ATP10B: variants seen among roughly 807,000 people sequenced by gnomAD.
ATP10B encodes the protein ATPase phospholipid transporting 10B (putative).
In ATP10B, 122 loss-of-function variants were observed where a neutral mutation model predicts 141.2. That is an observed-to-expected ratio of 0.86 (90% CI 0.75 to 1.00). The LOEUF (loss-of-function observed/expected upper bound fraction) is 1.00, where lower values mean the gene tolerates loss of function less well. Among genes scored for constraint, ATP10B ranks in the 50% least tolerant of loss-of-function variants. The pLI is 0.00. For missense variants in ATP10B, 1,876 were observed against 1,825.3 expected (o/e 1.03, Z -0.51); for synonymous variants, 685 against 692.0 (o/e 0.99, Z 0.16).
intron 2 of ATP10B, among the ~76,000 whole-genome samples, chr5:160,763,100 G>A (rs1422084208): frequency 6.6e-6 from 1 of 151,940 alleles, no homozygotes; most frequent in African/African-American, 2.4e-5. Flanking sequence ...GAGATAGACG[G>A]CAACATAATA....
In ATP10B at chr5:160,634,483, G is replaced by A. The variant is rs1413371614; in HGVS notation, c.1252C>T (p.Leu418Phe). Residue 418 changes from leucine to phenylalanine, a missense_variant, in exon 12 of 26, where the codon CTC (leucine) becomes TTC (phenylalanine). Transcript: ENST00000327245. ...ETDLSIQCRA[L>F]NIAEDLGQIQ... ...TGGCCCAAGTCCTCTGCGATGTTGA[G>A]GGCTCGACATTGAATGGATAAATCG... 1 of 1,614,186 alleles carries A rather than the reference G, an allele frequency of 6.2e-7. No individual in the cohort carries two copies. Among genetic ancestry groups the A allele is most frequent in the Non-Finnish European group, 8.5e-7 (1 of 1,180,030 alleles).
chr5:160,626,299 G>T (rs933786679), intron 13 of ATP10B, among the ~76,000 whole-genome samples: 2 of 152,124 alleles, frequency 1.3e-5, no homozygotes, highest in Non-Finnish European at 2.9e-5. Flanking sequence ...CCCCCTTTGA[G>T]GAAGCTGATT....
chr5:160,917,196 G>A, the ATP10B span, among the ~76,000 whole-genome samples: 2 of 151,768 alleles, frequency 1.3e-5, no homozygotes, highest in African/African-American at 4.8e-5. Context: ...CAGAGAACAG[G>A]TAGCAGGAGA....
chr5:160,668,836 T>C (rs542961838), intron 7 of ATP10B, among the ~76,000 whole-genome samples: 9 of 152,338 alleles, frequency 5.9e-5, no homozygotes, highest in African/African-American at 2.2e-4. Flanking sequence ...ATGATATGCA[T>C]GAGAGAACAG....
At chr5:160,598,213 AATG>A (rs2094366876) in intron 22 of ATP10B, among the ~76,000 whole-genome samples, 1 of 152,020 alleles carries the variant, frequency 6.6e-6, no homozygotes, top group Admixed American at 6.6e-5. Flanking sequence ...AGCCATAAAA[AATG>A]ATGAGTTCAT....
At chr5:160,794,962 C>A (rs1338843066) in intron 1 of ATP10B, among the ~76,000 whole-genome samples, 1 of 152,174 alleles carries the variant, frequency 6.6e-6, no homozygotes, top group East Asian at 1.9e-4. Flanking sequence ...ATTTGTCTCA[C>A]TTATTTATTG....
chr5:160,585,742 A>G (rs1755842637), intron 24 of ATP10B, among the ~76,000 whole-genome samples: 1 of 152,202 alleles, frequency 6.6e-6, no homozygotes. Context: ...CGCAGGAGCC[A>G]GAGTCCCCAT....
chr5:160,786,271 C>G (rs1446923824), intron 1 of ATP10B, among the ~76,000 whole-genome samples: 1 of 152,154 alleles, frequency 6.6e-6, no homozygotes, highest in Non-Finnish European at 1.5e-5. Flanking sequence ...CATGGGAAAT[C>G]AAGACTGCAG....
intron 15 of ATP10B, among the ~76,000 whole-genome samples, chr5:160,619,061 G>C (rs924241033): frequency 6.6e-6 from 1 of 151,960 alleles, no homozygotes; most frequent in East Asian, 1.9e-4. Context: ...CATTTTTCAG[G>C]TGTTGCTGGC....
chr5:160,803,073 C>A (rs542263299), intron 1 of ATP10B, among the ~76,000 whole-genome samples: 1 of 152,194 alleles, frequency 6.6e-6, no homozygotes, highest in Admixed American at 6.5e-5. Flanking sequence ...TGCTCCTGTT[C>A]AAAAGGCTTC....
chr5:160,714,748 A>C (rs1163523900), intron 3 of ATP10B, among the ~76,000 whole-genome samples: 4 of 120,370 alleles, frequency 3.3e-5, no homozygotes, highest in Admixed American at 8.2e-5. Flanking sequence ...TTGTGGTTTT[A>C]TCTACTTTTG....
At chr5:160,782,681 A>T (rs1480478809) in intron 2 of ATP10B, among the ~76,000 whole-genome samples, 1 of 152,156 alleles carries the variant, frequency 6.6e-6, no homozygotes, top group African/African-American at 2.4e-5. Context: ...AATTAAAAAT[A>T]GTGATGATAT....
intron 3 of ATP10B, chr5:160,691,736 C>CT (rs1764087546): frequency 6.6e-6 from 1 of 152,148 alleles, no homozygotes; most frequent in African/African-American, 2.4e-5. Flanking sequence ...CTTCTCATAG[C>CT]TTTCGTCAAT....
At chr5:160,704,091 C>T (rs887086342) in intron 3 of ATP10B, among the ~76,000 whole-genome samples, 3 of 152,142 alleles carry the variant, frequency 2.0e-5, no homozygotes, top group African/African-American at 7.2e-5. Flanking sequence ...ATCCTCTCAC[C>T]TCAGCCTCTT....
At chr5:160,825,426 C>T (rs1774516800) in intron 1 of ATP10B, among the ~76,000 whole-genome samples, 1 of 152,152 alleles carries the variant, frequency 6.6e-6, no homozygotes, top group Non-Finnish European at 1.5e-5. Flanking sequence ...TCTCTTGGCT[C>T]CTATTCTCTT....
intron 3 of ATP10B, among the ~76,000 whole-genome samples, chr5:160,714,983 C>T (rs991754983): frequency 1.1e-5 from 1 of 93,154 alleles, no homozygotes; most frequent in Admixed American, 9.7e-5. Flanking sequence ...CTCAGATCTC[C>T]AGCTGCGTGC....
chr5:160,717,450 G>T (rs551624482), intron 2 of ATP10B, among the ~76,000 whole-genome samples: 6 of 152,088 alleles, frequency 3.9e-5, no homozygotes, highest in Non-Finnish European at 8.8e-5. Flanking sequence ...TGTAGAAAAA[G>T]GTCTGAATCC....
intron 24 of ATP10B, among the ~76,000 whole-genome samples, chr5:160,586,891 A>C (rs1464637224): frequency 1.3e-5 from 2 of 152,208 alleles, no homozygotes; most frequent in Non-Finnish European, 2.9e-5. Flanking sequence ...TAGATTACAA[A>C]AATTTTCTCC....
At chr5:160,751,810 T>C (rs1408015786) in intron 2 of ATP10B, among the ~76,000 whole-genome samples, 1 of 152,144 alleles carries the variant, frequency 6.6e-6, no homozygotes, top group Non-Finnish European at 1.5e-5. Context: ...ATCATGCACA[T>C]GGATGTGTGC....
Sources: gnomAD v4.1 joint callset for allele counts (sites outside exome capture counted in the v4.1 genomes callset) on GRCh38, gnomAD v4.1.1 for gene constraint, MANE v1.5 for transcripts, NCBI Gene and HGNC (gene_info 2026-07-23, HGNC 2026-07-21) for gene names.